The following CIITA variants were observed in gnomAD, a reference collection of about 807,000 sequenced individuals.
The protein encoded by CIITA is MHC class II transactivator.
CIITA carries 72 observed loss-of-function variants against 115.1 expected under a neutral mutation model. The observed-to-expected ratio is 0.63, with a 90% confidence interval of 0.52 to 0.76. The LOEUF is 0.76. CIITA is among the 30% of genes least tolerant of loss of function. The pLI, the probability that CIITA is intolerant of heterozygous loss-of-function variation, is 0.00. For missense variants in CIITA, 1,617 were observed against 1,463.8 expected (o/e 1.10, Z -1.71); for synonymous variants, 763 against 635.6 (o/e 1.20, Z -3.02).
At chr16:10,868,231 AT>A (rs1262059051) in intron 1 of CIITA, among the ~76,000 whole-genome samples, 1 of 152,138 alleles carries the variant, frequency 6.6e-6, no homozygotes, top group Non-Finnish European at 1.5e-5. Flanking sequence ...CCCCATCCTT[AT>A]TTAACACTTA....
intron 1 of CIITA, among the ~76,000 whole-genome samples, chr16:10,889,520 GT>G (rs963942678): frequency 6.6e-5 from 10 of 150,992 alleles, no homozygotes; most frequent in African/African-American, 2.5e-4. Context: ...TTTGTTTTTT[GT>G]TTTTTGTTTT....
At chr16:10,897,770 A>G (rs1828258313) in intron 3 of CIITA, among the ~76,000 whole-genome samples, 1 of 151,424 alleles carries the variant, frequency 6.6e-6, no homozygotes, top group Non-Finnish European at 1.5e-5. Flanking sequence ...GATGTTAGGT[A>G]CTACCCCACA....
Position 10,879,018 on chromosome 16 carries a change from G to A in CIITA, c.52+1636G>A. 4.6e-6 allele frequency: 1 copy of A among 218,650 alleles called. No homozygotes were observed. The highest frequency in any genetic ancestry group is 9.2e-6 in the Non-Finnish European group (1 of 108,878). The allele number at this position is 218,650 out of a possible 1,614,324, so 13.5% of individuals were successfully genotyped here. A position where few individuals can be genotyped will look rare whatever the true frequency, so the allele number is the denominator to read the frequency against. The stretch of plus-strand genomic sequence containing the variant: ...GCGGGAGGGAGAGGCCACCAGCAGC[G>A]CGCGCGGGAGCCCGGGGAACAGCGG... On this transcript the variant is annotated intron_variant, in intron 1 of 19. Coordinates refer to ENST00000324288, the MANE Select transcript of CIITA (RefSeq NM_000246.4). The surrounding 1 kb of genome is among the most constrained non-coding windows in gnomAD (Gnocchi z 4.3).
intron 11 of CIITA, 59 bp downstream of exon 11, chr16:10,908,208 G>C: frequency 6.5e-7 from 1 of 1,541,592 alleles, no homozygotes; most frequent in Non-Finnish European, 8.8e-7. Context: ...TGCGGTCTTG[G>C]TGCCAAGCCC....
At chr16:10,939,413 G>C (rs779820334), downstream of CIITA, 1 of 152,226 alleles carries the variant, frequency 6.6e-6, no homozygotes, top group Non-Finnish European at 1.5e-5. The surrounding 1 kb of genome is among the most constrained non-coding windows in gnomAD (Gnocchi z 4.9). Context: ...TCTTGGCTAT[G>C]GCCTTCCAGG....
At position 10,879,077 on chromosome 16, in the gene CIITA, G is replaced by A. The variant is rs538223269; in HGVS notation, c.52+1695G>A. 5.0e-6 allele frequency: 1 copy of A among 198,716 alleles called. No individual in the cohort carries two copies. The highest frequency in any genetic ancestry group is 1.0e-5 in the Non-Finnish European group (1 of 96,182). The allele number at this position is 198,716 out of a possible 1,614,324, so 12.3% of individuals were successfully genotyped here. On this transcript the variant is annotated intron_variant, in intron 1 of 19. Transcript: ENST00000324288. The surrounding 1 kb of genome is among the most constrained non-coding windows in gnomAD (Gnocchi z 4.3). ...CAAAGTCTCCTCTGTAACCCCTAAG[G>A]TCGGGCTGAGAATCGAGGCTCCGAG... is the stretch of plus-strand genomic sequence containing the variant.
Position 10,907,725 on chromosome 16 carries a change from A to G in CIITA, c.2233A>G (p.Arg745Gly). The part of the protein sequence containing the change: ...QYLALTPRKK[R>G]PYDNWLEGVP... ...CCTAGCATTGACCCCAAGGAAGAAG[A>G]GGCCCTATGACAACTGGCTGGAGGG... The change falls in exon 11 of 20, where the codon AGG (arginine) becomes GGG (glycine). Residue 745 changes from arginine to glycine, a missense_variant. Physicochemically the swap from Arg to Gly is moderately radical, Grantham distance 125 (BLOSUM62 -2). Coordinates refer to ENST00000324288, the MANE Select transcript of CIITA (RefSeq NM_000246.4). The surrounding 1 kb of genome is among the most constrained non-coding windows in gnomAD (Gnocchi z 5.0). 1 of 1,614,240 alleles carries G rather than the reference A, an allele frequency of 6.2e-7. No individual in the cohort carries two copies. Among genetic ancestry groups the G allele is most frequent in the Non-Finnish European group, 8.5e-7 (1 of 1,180,048 alleles).
chr16:10,910,113 GCCATCATGGGAC>G lies in CIITA; in HGVS notation c.2817-70_2817-59del, dbSNP rs1035718641. 8.6e-6 allele frequency: 11 copies of G among 1,274,456 alleles called. No homozygotes were observed. In the Admixed American group the frequency reaches 1.9e-4, roughly 22 times the overall value. The allele number at this position is 1,274,456 out of a possible 1,614,324, so 78.9% of individuals were successfully genotyped here. On this transcript the variant is annotated intron_variant, in intron 12 of 19. Coordinates refer to ENST00000324288, the MANE Select transcript of CIITA (RefSeq NM_000246.4). ...CTGGGGAATTTGGGGCACTGGGGCA[GCCATCATGGGAC>G]CCATGGGTAAGGGCTCAGTGACAGC...
At chr16:10,883,346 G>A (rs901155376) in intron 1 of CIITA, among the ~76,000 whole-genome samples, 1 of 152,196 alleles carries the variant, frequency 6.6e-6, no homozygotes, top group South Asian at 2.1e-4. Context: ...GGCAAGCGGG[G>A]AAGGGAACTC....
intron 13 of CIITA, among the ~76,000 whole-genome samples, chr16:10,911,328 C>A (rs1259507263): frequency 7.3e-6 from 1 of 137,824 alleles, no homozygotes; most frequent in East Asian, 2.1e-4. Context: ...CCTTCCCTCC[C>A]TCCCTTCTTC....
chr16:10,914,102 T>C (rs2039784876), intron 13 of CIITA, among the ~76,000 whole-genome samples: 1 of 152,196 alleles, frequency 6.6e-6, no homozygotes, highest in Non-Finnish European at 1.5e-5. Context: ...CCCCCTGGAA[T>C]GTCAGCACCC....
chr16:10,927,650 T>C lies in CIITA; in HGVS notation c.*3795T>C, dbSNP rs2040586587. 2 of 152,400 alleles carry C rather than the reference T, an allele frequency of 1.3e-5. No individual in the cohort carries two copies. The highest frequency in any genetic ancestry group is 6.5e-5 in the Admixed American group (1 of 15,308). 9.4% of individuals were successfully genotyped at this position (152,400 alleles called of 1,614,324 possible). A position where few individuals can be genotyped will look rare whatever the true frequency, so the allele number is the denominator to read the frequency against. The stretch of plus-strand genomic sequence containing the variant: ...GGGGGCTGCAAACCAGTCTGGGTTC[T>C]GCTTGCCAAACTGGGAGTCCTGGTG... On this transcript the variant is annotated 3_prime_UTR_variant, in exon 20 of 20. Coordinates refer to ENST00000324288, the MANE Select transcript of CIITA (RefSeq NM_000246.4).
chr16:10,878,795 T>A (rs1464354624), intron 1 of CIITA, among the ~76,000 whole-genome samples: 5 of 152,212 alleles, frequency 3.3e-5, no homozygotes, highest in Admixed American at 3.3e-4. Flanking sequence ...GGCAGGGACC[T>A]CTTGGATGCC....
Position 10,926,533 on chromosome 16 carries a change from T to C in CIITA, c.*2678T>C, listed in dbSNP as rs1007338576. ...AACGATTTGTTAATGATAGCTACTGTTTATTATTTTATTTAATTTTTTTGA... is the reference window on the plus strand; with the variant it reads ...AACGATTTGTTAATGATAGCTACTGCTTATTATTTTATTTAATTTTTTTGA... On this transcript the variant is annotated 3_prime_UTR_variant, in exon 20 of 20. Coordinates refer to ENST00000324288, the MANE Select transcript of CIITA (RefSeq NM_000246.4). 1 of 152,194 alleles carries C rather than the reference T, an allele frequency of 6.6e-6. No individual in the cohort carries two copies. The allele number at this position is 152,194 out of a possible 1,614,324, so 9.4% of individuals were successfully genotyped here.
rs2038875985 is a variant in CIITA, at chr16:10,902,800, T to A, written c.771T>A (p.His257Gln). The A allele has an allele frequency of 6.2e-7, 1 of 1,614,138 alleles. No homozygotes were observed. The highest frequency in any genetic ancestry group is 8.5e-7 in the Non-Finnish European group (1 of 1,180,022). Residue 257 changes from histidine to glutamine, a missense_variant and splice_region_variant, in exon 8 of 20, where the codon CAT becomes CAA. By Grantham distance (24) the His-to-Gln change is conservative. Coordinates refer to ENST00000324288, the MANE Select transcript of CIITA (RefSeq NM_000246.4). ...GGGTCTCCAGTATATTCATCTACCATGGTGAGTGCGGGGCCTGGCTCCCCG... is the reference window on the plus strand; with the variant it reads ...GGGTCTCCAGTATATTCATCTACCAAGGTGAGTGCGGGGCCTGGCTCCCCG... The part of the protein sequence containing the change: ...GTGVSSIFIY[H>Q]GEVPQASQVP...
chr16:10,871,630 T>A (rs571918634), intron 1 of CIITA, among the ~76,000 whole-genome samples: 1 of 152,154 alleles, frequency 6.6e-6, no homozygotes, highest in Non-Finnish European at 1.5e-5. Flanking sequence ...TCCTTCCCCA[T>A]CTGGCCCTTA....
At position 10,923,208 on chromosome 16, in the gene CIITA, A is replaced by T; in HGVS notation, c.3318-20A>T. 1 of 1,611,002 alleles carries T rather than the reference A, an allele frequency of 6.2e-7. No individual in the cohort carries two copies. Reference sequence around the variant, plus strand: ...CCCTCTCTCCTCTAACCTGGCTCTGAGTCCCATCCCCCCTTGCAGGATGTG... The same window carrying T: ...CCCTCTCTCCTCTAACCTGGCTCTGTGTCCCATCCCCCCTTGCAGGATGTG... On this transcript the variant is annotated intron_variant, in intron 18 of 19. Coordinates refer to ENST00000324288, the MANE Select transcript of CIITA (RefSeq NM_000246.4). This position sits in a 1 kb window ranked among gnomAD's most constrained non-coding sequence, Gnocchi z 5.2.
chr16:10,880,841 G>T (rs1436449808), intron 1 of CIITA, among the ~76,000 whole-genome samples: 1 of 152,186 alleles, frequency 6.6e-6, no homozygotes, highest in African/African-American at 2.4e-5. Context: ...CCTCTCTGAG[G>T]TTCATCTGTA....
At position 10,918,441 on chromosome 16, in the gene CIITA, C is replaced by G. The variant is rs1024565810; in HGVS notation, c.3064C>G (p.Leu1022Val). Residue 1022 changes from leucine (L) to valine (V), a missense_variant and splice_region_variant, in exon 16 of 20, where the codon CTG becomes GTG. By Grantham distance (32) the Leu-to-Val change is conservative (BLOSUM62 1). Coordinates refer to ENST00000324288, the MANE Select transcript of CIITA (RefSeq NM_000246.4). ...PQLKSLETLN[L>V]SQNNITDLGA... Reference sequence around the variant, plus strand: ...CTCCCCCTCACTGTGTCCCCGCAGTCTGTCCCAGAACAACATCACTGACCT... The same window carrying G: ...CTCCCCCTCACTGTGTCCCCGCAGTGTGTCCCAGAACAACATCACTGACCT... 1 of 1,613,998 alleles carries G rather than the reference C, an allele frequency of 6.2e-7. No homozygotes were observed. The highest frequency in any genetic ancestry group is 8.5e-7 in the Non-Finnish European group (1 of 1,179,942).
Sources: allele counts gnomAD v4.1 joint callset (sites outside exome capture counted in the v4.1 genomes callset), GRCh38; gene constraint gnomAD v4.1.1; non-coding constraint Gnocchi (gnomAD v3.1); transcripts MANE v1.5; gene names NCBI Gene and HGNC (gene_info 2026-07-23, HGNC 2026-07-21).